MDH1B: variants seen among roughly 807,000 people sequenced by gnomAD.
MDH1B encodes putative malate dehydrogenase 1B.
In MDH1B, 60 loss-of-function variants were observed where a neutral mutation model predicts 61.4. The observed-to-expected ratio is 0.98, with a 90% CI of 0.79 to 1.21. MDH1B has a LOEUF of 1.21. Ranked by LOEUF, MDH1B falls within the 50% of genes most tolerant of loss-of-function variation. The pLI is 0.00. For missense variants in MDH1B, 587 were observed against 632.1 expected (o/e 0.93, Z 0.76); for synonymous variants, 236 against 218.7 (o/e 1.08, Z -0.70).
At chr2:206,762,654 C>T (rs1689170055) in intron 1 of MDH1B, among the ~76,000 whole-genome samples, 1 of 152,166 alleles carries the variant, frequency 6.6e-6, no homozygotes, top group Non-Finnish European at 1.5e-5. Flanking sequence ...GAAAGAGTTC[C>T]CTATATTTGC....
At chr2:206,738,980 C>T (rs1296276530) in intron 11 of MDH1B, among the ~76,000 whole-genome samples, 1 of 152,154 alleles carries the variant, frequency 6.6e-6, no homozygotes, top group Admixed American at 6.5e-5. Context: ...GATTGGTCAA[C>T]CACAAAGAAA....
At chr2:206,749,227 T>C (rs753872610) in intron 6 of MDH1B, 44 bp from the exon 7 acceptor site, 44 of 1,574,536 alleles carry the variant, frequency 2.8e-5, no homozygotes, top group Non-Finnish European at 3.6e-5. Flanking sequence ...AGAGAGGAAT[T>C]AAAGAGAAAA....
At chr2:206,758,872 G>A (rs1688922860) in intron 2 of MDH1B, among the ~76,000 whole-genome samples, 1 of 151,980 alleles carries the variant, frequency 6.6e-6, no homozygotes. Flanking sequence ...GATACAACAT[G>A]CACCTAAGTG....
intron 11 of MDH1B, 43 bp downstream of exon 11, chr2:206,739,550 G>A: frequency 6.5e-7 from 1 of 1,548,982 alleles, no homozygotes; most frequent in African/African-American, 1.4e-5. Flanking sequence ...AGTTCCACTT[G>A]TAGAATAAGA....
chr2:206,746,200 TA>T lies in MDH1B; in HGVS notation c.1356+86del, dbSNP rs1688100667. 3.3e-6 allele frequency: 4 copies of T among 1,224,444 alleles called. No homozygotes were observed. The East Asian group carries it at 1.1e-4, about 33-fold the overall frequency. 75.8% of individuals were successfully genotyped at this position (1,224,444 alleles called of 1,614,324 possible). ...AGAATTAAAAAAAAATTTGAATCCA[TA>T]GAAAAACCAATGTATGCCTTGGCCT... On this transcript the variant is annotated intron_variant, in intron 8 of 11. Transcript: ENST00000374412.
intron 8 of MDH1B, 121 bp from the exon 9 acceptor site, chr2:206,745,794 C>T (rs971939204): frequency 8.3e-5 from 56 of 672,284 alleles, no homozygotes; most frequent in Middle Eastern, 4.2e-4. Flanking sequence ...AGTGCAGTGG[C>T]GCAATCTCAG....
chr2:206,765,209 G>T, intron 1 of MDH1B, 41 bp downstream of exon 1: 1 of 1,597,150 alleles, frequency 6.3e-7, no homozygotes, highest in Non-Finnish European at 8.5e-7. Context: ...GCTGTTGTCG[G>T]CGTTTTGAGC....
At chr2:206,751,383 T>C (rs993934491) in intron 5 of MDH1B, among the ~76,000 whole-genome samples, 1 of 152,120 alleles carries the variant, frequency 6.6e-6, no homozygotes, top group Non-Finnish European at 1.5e-5. Flanking sequence ...GTCCTGACTT[T>C]GCTTACCATT....
intron 5 of MDH1B, among the ~76,000 whole-genome samples, chr2:206,753,861 C>T (rs1371297009): frequency 6.6e-6 from 1 of 151,944 alleles, no homozygotes; most frequent in Non-Finnish European, 1.5e-5. Flanking sequence ...TGAAAGCCCC[C>T]AACCCCCCTC....
intron 1 of MDH1B, among the ~76,000 whole-genome samples, chr2:206,764,464 T>C (rs1343450191): frequency 3.3e-5 from 5 of 152,110 alleles, no homozygotes; most frequent in African/African-American, 7.2e-5. Context: ...CCAAGACTGA[T>C]TGGAAGGCAG....
In MDH1B at chr2:206,748,966, G is replaced by A. The variant is rs56943283; in HGVS notation, c.1216+54C>T. On this transcript the variant is annotated intron_variant, in intron 7 of 11. Coordinates refer to ENST00000374412, the MANE Select transcript of MDH1B (RefSeq NM_001039845.3). ...GGTGGGGACACAGAATTAGGAGCAC[G>A]AGTTATAGATAGAGGTTTTAAGATT... 53 of 1,511,780 alleles carry A rather than the reference G, an allele frequency of 3.5e-5. No homozygotes were observed. In the African/African-American group the frequency reaches 5.4e-4, roughly 15 times the overall value. The allele number at this position is 1,511,780 out of a possible 1,614,324, so 93.6% of individuals were successfully genotyped here. A position where few individuals can be genotyped will look rare whatever the true frequency, so the allele number is the denominator to read the frequency against.
At chr2:206,758,048 A>T (rs560434401) in intron 2 of MDH1B, among the ~76,000 whole-genome samples, 1 of 152,302 alleles carries the variant, frequency 6.6e-6, no homozygotes, top group Admixed American at 6.5e-5. Flanking sequence ...TTTCCTTGCT[A>T]ATATTGAAGA....
rs374440591 is a variant in MDH1B at position 206,757,487 on chromosome 2, A to G, written c.136-116T>C. ...TTGCTTTTAATGTCACTATATACACATAATATAATTTAGATATCTTCAAAG... is the reference window on the plus strand; with the variant it reads ...TTGCTTTTAATGTCACTATATACACGTAATATAATTTAGATATCTTCAAAG... On this transcript the variant is annotated intron_variant, in intron 2 of 11. Coordinates refer to ENST00000374412, the MANE Select transcript of MDH1B (RefSeq NM_001039845.3). The G allele has an allele frequency of 1.5e-3, 1,200 of 802,722 alleles. 33 individuals carry two copies. In the South Asian group the frequency reaches 0.027, roughly 18 times the overall value. The allele number at this position is 802,722 out of a possible 1,614,324, so 49.7% of individuals were successfully genotyped here. A position where few individuals can be genotyped will look rare whatever the true frequency, so the allele number is the denominator to read the frequency against.
At chr2:206,761,168 A>G (rs1237762916) in intron 1 of MDH1B, among the ~76,000 whole-genome samples, 155 bp from the exon 2 acceptor site, 1 of 152,220 alleles carries the variant, frequency 6.6e-6, no homozygotes, top group African/African-American at 2.4e-5. Flanking sequence ...TAAACTTCTG[A>G]TGTTTATTAG....
At chr2:206,744,959 A>ATG (rs1688019962) in intron 9 of MDH1B, among the ~76,000 whole-genome samples, 1 of 151,142 alleles carries the variant, frequency 6.6e-6, no homozygotes, top group Admixed American at 6.6e-5. Flanking sequence ...AAATATATAT[A>ATG]TATATGTTGA....
At chr2:206,758,526 G>A (rs1257209973) in intron 2 of MDH1B, among the ~76,000 whole-genome samples, 1 of 152,176 alleles carries the variant, frequency 6.6e-6, no homozygotes, top group Non-Finnish European at 1.5e-5. Flanking sequence ...AGCACTTTGG[G>A]AGGCCGAGGC....
chr2:206,757,481 A>G (rs1391851160), intron 2 of MDH1B, 110 bp from the exon 3 acceptor site: 2 of 857,268 alleles, frequency 2.3e-6, no homozygotes, highest in East Asian at 2.6e-5. Flanking sequence ...ATGTCACTAT[A>G]TACACATAAT....
At chr2:206,759,541 A>T (rs1688970388) in intron 2 of MDH1B, among the ~76,000 whole-genome samples, 1 of 152,132 alleles carries the variant, frequency 6.6e-6, no homozygotes, top group Non-Finnish European at 1.5e-5. Flanking sequence ...CTATCTTTCT[A>T]TGCTTCCACC....
chr2:206,740,951 A>G, intron 10 of MDH1B, 103 bp downstream of exon 10: 1 of 1,491,152 alleles, frequency 6.7e-7, no homozygotes, highest in South Asian at 1.2e-5. Flanking sequence ...GTTATTTAAA[A>G]CTTGCTTTGG....
Sources: gnomAD v4.1 joint callset for allele counts (sites outside exome capture counted in the v4.1 genomes callset) on GRCh38, gnomAD v4.1.1 for gene constraint, MANE v1.5 for transcripts, NCBI Gene and HGNC (gene_info 2026-07-23, HGNC 2026-07-21) for gene names.